Variants in HDX observed in about 807,000 individuals in gnomAD.
The protein encoded by HDX is chromosome X open reading frame 43.
A neutral mutation model predicts 45.2 loss-of-function variants in HDX; 19 were observed. The observed-to-expected ratio is 0.42, with a 90% CI of 0.29 to 0.62. The LOEUF (loss-of-function observed/expected upper bound fraction) is 0.62. HDX is among the 20% of genes least tolerant of loss of function. The probability of loss-of-function intolerance (pLI) is 0.20; values close to 1 mark genes in which losing one functional copy is unlikely to be tolerated. For missense variants in HDX, 532 were observed against 493.9 expected (o/e 1.08, Z -0.73); for synonymous variants, 188 against 172.8 (o/e 1.09, Z -0.69).
chrX:84,434,780 T>C (rs1032482923), intron 5 of HDX, among the ~76,000 whole-genome samples: 6 of 111,726 alleles, frequency 5.4e-5, no homozygotes, highest in Admixed American at 9.5e-5. Flanking sequence ...TAGAATTCAG[T>C]GATGAAGCCA....
At chrX:84,470,181 G>A (rs763648953) in intron 3 of HDX, among the ~76,000 whole-genome samples, 6 of 110,482 alleles carry the variant, frequency 5.4e-5, no homozygotes, top group African/African-American at 1.6e-4. Flanking sequence ...ATACCTCATC[G>A]TAGATGCATC....
intron 9 of HDX, among the ~76,000 whole-genome samples, chrX:84,332,917 A>T (rs1458478959): frequency 8.9e-6 from 1 of 112,013 alleles, no homozygotes; most frequent in Non-Finnish European, 1.9e-5. Flanking sequence ...GTTGGATGGC[A>T]TACATTTCAA....
At chrX:84,497,179 T>A (rs192025304) in intron 1 of HDX, among the ~76,000 whole-genome samples, 1 of 112,183 alleles carries the variant, frequency 8.9e-6, no homozygotes, top group Admixed American at 9.5e-5. Flanking sequence ...TTAAATATCT[T>A]TTCTTTATAA....
intron 6 of HDX, 111 bp from the exon 7 acceptor site, chrX:84,344,568 G>A: frequency 2.1e-6 from 1 of 467,739 alleles, no homozygotes; most frequent in Non-Finnish European, 3.6e-6. Context: ...AGGAATAAAT[G>A]GGTACACAGA....
At chrX:84,425,545 A>G (rs1383034057) in intron 5 of HDX, among the ~76,000 whole-genome samples, 3 of 112,095 alleles carry the variant, frequency 2.7e-5, no homozygotes, top group Non-Finnish European at 5.7e-5. Flanking sequence ...GCAATGGCTA[A>G]GATTTGGAAG....
intron 5 of HDX, among the ~76,000 whole-genome samples, chrX:84,385,864 G>T (rs2038308227): frequency 1.2e-5 from 1 of 83,373 alleles, no homozygotes; most frequent in African/African-American, 4.6e-5. Flanking sequence ...TTCGCCTGGT[G>T]GCTCTTGCTA....
At chrX:84,444,344 A>G (rs1357144331) in intron 4 of HDX, among the ~76,000 whole-genome samples, 1 of 111,299 alleles carries the variant, frequency 9.0e-6, no homozygotes, top group African/African-American at 3.3e-5. Flanking sequence ...TCAGAAATGT[A>G]TTTTTATACA....
chrX:84,440,381 A>G (rs1015291031), intron 5 of HDX, 151 bp downstream of exon 5: 3 of 448,390 alleles, frequency 6.7e-6, no homozygotes, highest in Admixed American at 4.1e-5. Context: ...ATATGTAAAT[A>G]TTATGATCTT....
intron 8 of HDX, among the ~76,000 whole-genome samples, chrX:84,335,545 G>C (rs773795454): frequency 9.0e-6 from 1 of 111,203 alleles, no homozygotes; most frequent in Non-Finnish European, 1.9e-5. Flanking sequence ...GAGAAATTCA[G>C]GCTACAAATG....
rs1404502052 is a variant in HDX, at chrX:84,384,184, C to A, written c.1306-22572G>T. Among the ~76,000 whole-genome samples the A allele has an allele frequency of 3.6e-5, 4 of 111,439 alleles. No homozygotes were observed. In the Admixed American group the frequency reaches 3.8e-4, roughly 11 times the overall value. On this transcript the variant is annotated intron_variant, in intron 5 of 10. Transcript: ENST00000373177. ...TCCACCAACAGTGTATAAGCATTCT[C>A]TTTTCTGTGCAACCTTGCCAGTATT...
At chrX:84,362,351 A>G (rs1196067711) in intron 5 of HDX, among the ~76,000 whole-genome samples, 2 of 111,333 alleles carry the variant, frequency 1.8e-5, no homozygotes, top group Non-Finnish European at 3.8e-5. Context: ...CTGATAAGGC[A>G]TCAGGAAAAG....
At chrX:84,476,198 T>A (rs1489565434) in intron 2 of HDX, among the ~76,000 whole-genome samples, 1 of 111,043 alleles carries the variant, frequency 9.0e-6, no homozygotes, top group Non-Finnish European at 1.9e-5. Context: ...AGAATAAAAG[T>A]CAGGTCAAAC....
At chrX:84,358,940 C>T (rs1432726851) in intron 6 of HDX, among the ~76,000 whole-genome samples, 2 of 111,385 alleles carry the variant, frequency 1.8e-5, no homozygotes, top group East Asian at 2.8e-4. Flanking sequence ...TCAACCTACA[C>T]TTGCTCACAA....
At chrX:84,362,846 G>C (rs957325618) in intron 5 of HDX, among the ~76,000 whole-genome samples, 3 of 111,311 alleles carry the variant, frequency 2.7e-5, no homozygotes, top group Non-Finnish European at 5.7e-5. Context: ...TAATAAAAAG[G>C]GTTACCATAG....
At chrX:84,409,157 TC>T (rs1236487032) in intron 5 of HDX, among the ~76,000 whole-genome samples, 1 of 110,463 alleles carries the variant, frequency 9.1e-6, no homozygotes, top group Non-Finnish European at 1.9e-5. Context: ...GAAATGCAAA[TC>T]AAAACCACAG....
intron 5 of HDX, among the ~76,000 whole-genome samples, chrX:84,372,394 T>C (rs2037918665): frequency 9.0e-6 from 1 of 111,698 alleles, no homozygotes; most frequent in African/African-American, 3.3e-5. Context: ...GAAAAATCAG[T>C]GGTAAACCTT....
In HDX at chrX:84,356,139, CA is replaced by C. The variant is rs1225163908; in HGVS notation, c.1452+5326del. 2.7e-5 allele frequency among the ~76,000 whole-genome samples: 3 copies of C among 111,383 alleles called. No homozygotes were observed. The Admixed American group carries it at 2.9e-4, about 11-fold the overall frequency. On this transcript the variant is annotated intron_variant, in intron 6 of 10. Transcript: ENST00000373177. Reference sequence around the variant, plus strand: ...ATACCGTAAGTAATGGTTAACTAGACATCCTAAGGTGAAGTTCATTTTGGTG... The same window carrying C: ...ATACCGTAAGTAATGGTTAACTAGACTCCTAAGGTGAAGTTCATTTTGGTG...
intron 5 of HDX, among the ~76,000 whole-genome samples, chrX:84,439,019 C>T (rs1467411687): frequency 8.9e-6 from 1 of 112,053 alleles, no homozygotes; most frequent in Non-Finnish European, 1.9e-5. Context: ...ATTTTATTTT[C>T]TCCATAGACT....
chrX:84,323,849 C>T (rs1398831234), intron 10 of HDX, among the ~76,000 whole-genome samples: 1 of 112,328 alleles, frequency 8.9e-6, no homozygotes, highest in Non-Finnish European at 1.9e-5. Flanking sequence ...CAGGGTCTGA[C>T]CTACGGTCAT....
Sources: allele counts gnomAD v4.1 joint callset (sites outside exome capture counted in the v4.1 genomes callset), GRCh38; gene constraint gnomAD v4.1.1; transcripts MANE v1.5; gene names NCBI Gene and HGNC (gene_info 2026-07-23, HGNC 2026-07-21).